SLC41A3: variants seen among roughly 807,000 people sequenced by gnomAD.
The protein encoded by SLC41A3 is solute carrier family 41 member 3, also known as SLC41A1-like 2.
A neutral mutation model predicts 45.4 loss-of-function variants in SLC41A3; 44 were observed. The observed-to-expected ratio is 0.97, with a 90% CI of 0.76 to 1.25. The LOEUF (loss-of-function observed/expected upper bound fraction) is 1.25. Among genes scored for constraint, SLC41A3 ranks in the 50% most tolerant of loss-of-function variants. The pLI is 0.00. For missense variants in SLC41A3, 550 were observed against 600.6 expected, an observed-to-expected ratio of 0.92 and a Z score of 0.88; for synonymous variants, 256 against 252.4, an observed-to-expected ratio of 1.01 and a Z score of -0.13.
At chr3:126,083,824 C>A in intron 1 of SLC41A3, 1 of 151,840 alleles carries the variant, frequency 6.6e-6, no homozygotes, top group Non-Finnish European at 1.5e-5. Flanking sequence ...TGGCCTACCC[C>A]AGGCATGGCC....
chr3:126,098,375 C>T (rs2365011), intron 1 of SLC41A3, among the ~76,000 whole-genome samples: 34,405 of 152,116 alleles, frequency 0.23, 4,423 homozygotes, highest in Non-Finnish European at 0.28. Context: ...AGAATCCTGT[C>T]GGCACCTTAA....
intron 6 of SLC41A3, among the ~76,000 whole-genome samples, chr3:126,022,064 C>T (rs1415642407): frequency 7.1e-6 from 1 of 141,734 alleles, no homozygotes; most frequent in Non-Finnish European, 1.5e-5. Context: ...TTCAAGTCAC[C>T]CACATGGCTC....
chr3:126,033,564 G>T (rs1327059894), intron 4 of SLC41A3, 43 bp downstream of exon 4: 2 of 1,597,130 alleles, frequency 1.3e-6, no homozygotes, highest in Non-Finnish European at 1.7e-6. Context: ...GGGAAGCCTG[G>T]CTGCAGATTC....
At chr3:126,080,922 G>A (rs1945117196) in intron 1 of SLC41A3, among the ~76,000 whole-genome samples, 1 of 151,382 alleles carries the variant, frequency 6.6e-6, no homozygotes, top group African/African-American at 2.4e-5. Context: ...CTGCACTCTA[G>A]CCTGGGCAAC....
At chr3:126,053,048 G>A (rs1373490494) in intron 2 of SLC41A3, among the ~76,000 whole-genome samples, 2 of 152,218 alleles carry the variant, frequency 1.3e-5, no homozygotes, top group East Asian at 3.8e-4. Context: ...GAGAAGTCCT[G>A]TCTGGTCACA....
chr3:126,063,742 C>G (rs568832864), intron 2 of SLC41A3, among the ~76,000 whole-genome samples: 1 of 152,348 alleles, frequency 6.6e-6, no homozygotes, highest in South Asian at 2.1e-4. Context: ...CGACGGTGGC[C>G]AAGGCCCTCA....
At chr3:126,050,844 G>A (rs969701059) in intron 3 of SLC41A3, 99 bp downstream of exon 3, 8 of 1,454,280 alleles carry the variant, frequency 5.5e-6, no homozygotes, top group Non-Finnish European at 5.5e-6. Context: ...CATTGTTTTG[G>A]AGAATCCAAC....
At chr3:126,008,980 T>C in intron 9 of SLC41A3, 100 bp from the exon 10 acceptor site, 3 of 1,454,018 alleles carry the variant, frequency 2.1e-6, no homozygotes, top group Admixed American at 1.8e-5. Context: ...CATCCATTTA[T>C]TCCCAAGTGT....
intron 1 of SLC41A3, among the ~76,000 whole-genome samples, chr3:126,077,031 T>C (rs11925450): frequency 0.34 from 51,228 of 151,998 alleles, 8,827 homozygotes; most frequent in African/African-American, 0.38. Context: ...GGATTATTTT[T>C]CCAATTACAA....
At chr3:126,084,305 G>A (rs1388721998), upstream of SLC41A3, 1 of 152,150 alleles carries the variant, frequency 6.6e-6, no homozygotes, top group Non-Finnish European at 1.5e-5. Context: ...CTGGGAGCCG[G>A]GGATCGCGGG....
At chr3:126,053,225 G>A (rs926449065) in intron 2 of SLC41A3, among the ~76,000 whole-genome samples, 1 of 152,150 alleles carries the variant, frequency 6.6e-6, no homozygotes, top group Non-Finnish European at 1.5e-5. Context: ...CATGAGGGTG[G>A]GTCCTAGCCC....
intron 1 of SLC41A3, among the ~76,000 whole-genome samples, chr3:126,080,763 C>T (rs1004844311): frequency 1.1e-4 from 16 of 152,128 alleles, no homozygotes; most frequent in African/African-American, 3.9e-4. Flanking sequence ...CCAGCCTGGC[C>T]AACATGCCAA....
intron 4 of SLC41A3, among the ~76,000 whole-genome samples, chr3:126,027,524 T>A (rs1285532253): frequency 6.6e-6 from 1 of 152,170 alleles, no homozygotes; most frequent in African/African-American, 2.4e-5. Flanking sequence ...TTACCCAGTC[T>A]CAGATATTTC....
chr3:126,087,006 A>T (rs997468083), upstream of SLC41A3, among the ~76,000 whole-genome samples: 3 of 151,964 alleles, frequency 2.0e-5, no homozygotes, highest in African/African-American at 7.2e-5. Context: ...AATCATTGGT[A>T]AAAAAAATTA....
At chr3:126,088,483 A>G (rs1422093501), upstream of SLC41A3, among the ~76,000 whole-genome samples, 1 of 152,208 alleles carries the variant, frequency 6.6e-6, no homozygotes, top group Admixed American at 6.5e-5. Context: ...GGAGCATAAA[A>G]TATGTTTTTG....
intron 1 of SLC41A3, among the ~76,000 whole-genome samples, chr3:126,100,592 C>T (rs1376359873): frequency 6.6e-6 from 1 of 151,756 alleles, no homozygotes; most frequent in African/African-American, 2.4e-5. Context: ...TATGAAGTCA[C>T]ATAAGACGGC....
At chr3:126,015,986 C>T (rs1248210197) in intron 7 of SLC41A3, among the ~76,000 whole-genome samples, 1 of 152,226 alleles carries the variant, frequency 6.6e-6, no homozygotes, top group Non-Finnish European at 1.5e-5. Flanking sequence ...CTTGCTCCCA[C>T]TGGCCACTGT....
At chr3:126,097,805 G>A (rs1362674761) in intron 1 of SLC41A3, among the ~76,000 whole-genome samples, 1 of 152,164 alleles carries the variant, frequency 6.6e-6, no homozygotes, top group Non-Finnish European at 1.5e-5. Flanking sequence ...AGAAAAGGAG[G>A]CAACCAAGCA....
At chr3:126,093,102 C>A (rs1945522028) in intron 1 of SLC41A3, among the ~76,000 whole-genome samples, 1 of 152,116 alleles carries the variant, frequency 6.6e-6, no homozygotes. Flanking sequence ...AGAGGCTTGG[C>A]AGTTCCCTGT....
Sources: allele counts gnomAD v4.1 joint callset (sites outside exome capture counted in the v4.1 genomes callset), GRCh38; gene constraint gnomAD v4.1.1; transcripts MANE v1.5; gene names NCBI Gene and HGNC (gene_info 2026-07-23, HGNC 2026-07-21).